Variants in SERPINA9 observed in about 807,000 individuals in gnomAD.
SERPINA9 encodes the protein serpin family A member 9, also known as serpin A9.
Under a neutral mutation model 24.5 loss-of-function variants are expected in SERPINA9, and 32 were observed. The ratio of observed to expected loss-of-function variants is 1.30; its 90% confidence interval spans 0.98 to 1.75. SERPINA9 has a LOEUF of 1.75. Among genes scored for constraint, SERPINA9 ranks in the 40% most tolerant of loss-of-function variants. The pLI, the probability that SERPINA9 is intolerant of heterozygous loss-of-function variation, is 0.00. For synonymous variants in SERPINA9, 233 were observed against 197.7 expected (o/e 1.18, Z -1.50); for missense variants, 594 against 497.1 (o/e 1.19, Z -1.85).
At chr14:94,476,011 C>A in intron 1 of SERPINA9, 125 bp downstream of exon 1, 3 of 1,455,260 alleles carry the variant, frequency 2.1e-6, no homozygotes, top group Admixed American at 1.8e-5. Flanking sequence ...ACTAATGTGT[C>A]TAGGTTCTCA....
rs1899042340 is a variant in SERPINA9 at position 94,467,167 on chromosome 14, G to T, written c.844C>A (p.Leu282Met). The change falls in exon 3 of 5, where the codon CTG becomes ATG. Residue 282 changes from leucine to methionine, a missense_variant. Coordinates refer to ENST00000674397, the MANE Select transcript of SERPINA9 (RefSeq NM_175739.4). The stretch of plus-strand genomic sequence containing the variant: ...GTTCTGGCTGACAAGGCCTGTTCCA[G>T]TTGCCTCATCTTGCCCTTGCTAGGG... The part of the protein sequence containing the change: ...VLPSKGKMRQ[L>M]EQALSARTLR... 1 of 1,614,096 alleles carries T rather than the reference G, an allele frequency of 6.2e-7. No homozygotes were observed. The highest frequency in any genetic ancestry group is 1.7e-5 in the Admixed American group (1 of 60,002).
intron 1 of SERPINA9, among the ~76,000 whole-genome samples, chr14:94,472,343 A>G (rs777326021): frequency 4.0e-5 from 6 of 151,198 alleles, no homozygotes; most frequent in Non-Finnish European, 8.8e-5. Flanking sequence ...CTTGTTTCTC[A>G]CTCTGGAAGA....
intron 1 of SERPINA9, among the ~76,000 whole-genome samples, chr14:94,474,548 G>T (rs895372239): frequency 6.6e-6 from 1 of 152,138 alleles, no homozygotes; most frequent in Non-Finnish European, 1.5e-5. Flanking sequence ...CGTGGCCAAA[G>T]CTCATTCAGT....
intron 1 of SERPINA9, among the ~76,000 whole-genome samples, chr14:94,473,391 C>T (rs1379573397): frequency 1.3e-5 from 2 of 152,022 alleles, no homozygotes; most frequent in East Asian, 3.9e-4. Context: ...TGGTGGCGGG[C>T]ACCTCTAGTC....
At chr14:94,470,018 A>T in intron 1 of SERPINA9, 161 bp from the exon 2 acceptor site, 1 of 653,108 alleles carries the variant, frequency 1.5e-6, no homozygotes, top group Non-Finnish European at 2.4e-6. Flanking sequence ...TATTCCCATG[A>T]TGTAGATCTT....
intron 1 of SERPINA9, among the ~76,000 whole-genome samples, chr14:94,475,575 G>A (rs753400179): frequency 1.1e-4 from 16 of 151,824 alleles, no homozygotes; most frequent in African/African-American, 2.4e-4. Context: ...TTTCCCAGTC[G>A]CCCCTCTCTC....
At position 94,463,674 on chromosome 14, in the gene SERPINA9, G is replaced by A. The variant is rs144108390; in HGVS notation, c.1051-378C>T. Among the ~76,000 whole-genome samples the A allele has an allele frequency of 2.9e-3, 449 of 152,350 alleles. 5 individuals are homozygous for A. The highest frequency in any genetic ancestry group is 0.01 in the African/African-American group (436 of 41,566). On this transcript the variant is annotated intron_variant, in intron 4 of 4. Coordinates refer to ENST00000674397, the MANE Select transcript of SERPINA9 (RefSeq NM_175739.4). ...GAGAGATCATACAAAGCAAGTGCTTGTGGACTTGCCAGCAGTAGTAATTGC... is the reference window on the plus strand; with the variant it reads ...GAGAGATCATACAAAGCAAGTGCTTATGGACTTGCCAGCAGTAGTAATTGC...
chr14:94,466,197 C>T (rs1185461444), intron 3 of SERPINA9, among the ~76,000 whole-genome samples: 1 of 152,180 alleles, frequency 6.6e-6, no homozygotes, highest in Non-Finnish European at 1.5e-5. Flanking sequence ...ATCTCTTCAT[C>T]CTTAACTTTG....
At chr14:94,463,956 G>A (rs1898865709) in intron 4 of SERPINA9, among the ~76,000 whole-genome samples, 2 of 152,156 alleles carry the variant, frequency 1.3e-5, no homozygotes, top group African/African-American at 4.8e-5. Flanking sequence ...CCCCTTCAGT[G>A]GCCCCAGGAT....
Position 94,469,921 on chromosome 14 carries a change from C to A in SERPINA9, c.-17-64G>T, listed in dbSNP as rs1038317601. 11 of 1,313,924 alleles carry A rather than the reference C, an allele frequency of 8.4e-6. No homozygotes were observed. In the Admixed American group the frequency reaches 2.6e-4, roughly 31 times the overall value. The allele number at this position is 1,313,924 out of a possible 1,614,324, so 81.4% of individuals were successfully genotyped here. On this transcript the variant is annotated intron_variant, in intron 1 of 4. Transcript: ENST00000674397. ...GGGTCCAGGCCCTGAATCAGAGACCCTTTAACACCCCCACGCCATCAGCAG... is the reference window on the plus strand; with the variant it reads ...GGGTCCAGGCCCTGAATCAGAGACCATTTAACACCCCCACGCCATCAGCAG...
chr14:94,475,399 T>C (rs565930815), intron 1 of SERPINA9, among the ~76,000 whole-genome samples: 3 of 150,730 alleles, frequency 2.0e-5, no homozygotes, highest in East Asian at 3.9e-4. Context: ...GTGTGCTACA[T>C]ATGCATGTGT....
At chr14:94,468,043 GCTGT>G (rs564932528) in intron 2 of SERPINA9, among the ~76,000 whole-genome samples, 355 of 152,250 alleles carry the variant, frequency 2.3e-3, no homozygotes, top group Admixed American at 4.3e-3. Context: ...TAAATGGTTG[GCTGT>G]CTGGGTGGAT....
At chr14:94,464,901 T>C in intron 3 of SERPINA9, 47 bp from the exon 4 acceptor site, 1 of 1,510,858 alleles carries the variant, frequency 6.6e-7, no homozygotes, top group Non-Finnish European at 9.0e-7. Flanking sequence ...GCCCATGGTG[T>C]CTGCATCTCT....
In SERPINA9 at chr14:94,474,712, C is replaced by T. The variant is rs140778171; in HGVS notation, c.-18+1424G>A. 1.2e-3 allele frequency among the ~76,000 whole-genome samples: 182 copies of T among 152,234 alleles called. 1 individual carries two copies. Among genetic ancestry groups the T allele is most frequent in the African/African-American group, 4.3e-3 (179 of 41,546 alleles). On this transcript the variant is annotated intron_variant, in intron 1 of 4. Coordinates refer to ENST00000674397, the MANE Select transcript of SERPINA9 (RefSeq NM_175739.4). Reference sequence around the variant, plus strand: ...TTTATGTGAGCGTTCGGCCAGGGGGCACTGCTCGTTGGGGTGACAGGGACA... The same window carrying T: ...TTTATGTGAGCGTTCGGCCAGGGGGTACTGCTCGTTGGGGTGACAGGGACA...
intron 4 of SERPINA9, chr14:94,464,270 C>CCTCTCTCTCTT: frequency 1.8e-5 from 1 of 54,270 alleles, no homozygotes; most frequent in Non-Finnish European, 4.0e-5. Flanking sequence ...CTTTAAAACT[C>CCTCTCTCTCTT]CTCTCTCTCT....
chr14:94,463,175 C>T lies in SERPINA9; in HGVS notation c.1172G>A (p.Arg391Lys), dbSNP rs776548862. 3.7e-6 allele frequency: 6 copies of T among 1,614,006 alleles called. No individual in the cohort carries two copies. The highest frequency in any genetic ancestry group is 1.7e-5 in the Admixed American group (1 of 60,006). ...GPSYFTVSFN[R>K]TFLMMITNKA... ...ATTTGTAATCATCATCAGGAAGGTC[C>T]TATTGAAGGAGACAGTGAAGTAAGA... The change falls in exon 5 of 5, where the codon AGG becomes AAG. Residue 391 changes from arginine to lysine, a missense_variant. Arg to Lys is a conservative substitution (Grantham distance 26). Transcript: ENST00000674397.
At chr14:94,463,356 A>T in intron 4 of SERPINA9, 60 bp from the exon 5 acceptor site, 7 of 1,474,996 alleles carry the variant, frequency 4.7e-6, no homozygotes, top group Non-Finnish European at 5.7e-6. Context: ...TTAACTGAGT[A>T]AACTAAACTG....
intron 1 of SERPINA9, among the ~76,000 whole-genome samples, chr14:94,472,577 A>T (rs1450337825): frequency 6.6e-6 from 1 of 152,160 alleles, no homozygotes; most frequent in Non-Finnish European, 1.5e-5. Context: ...TACGCTTATT[A>T]TGCAGGTACT....
intron 3 of SERPINA9, 50 bp from the exon 4 acceptor site, chr14:94,464,904 GCAT>G: frequency 6.6e-7 from 1 of 1,508,716 alleles, no homozygotes. Flanking sequence ...CATGGTGTCT[GCAT>G]CTCTGCTCCT....
Sources: gnomAD v4.1 joint callset for allele counts (sites outside exome capture counted in the v4.1 genomes callset) on GRCh38, gnomAD v4.1.1 for gene constraint, MANE v1.5 for transcripts, NCBI Gene and HGNC (gene_info 2026-07-23, HGNC 2026-07-21) for gene names.